Variants in UBE3B observed in about 807,000 individuals in gnomAD.
UBE3B encodes ubiquitin protein ligase E3B, also known as ubiquitin-protein ligase E3B.
Under a neutral mutation model 132.3 loss-of-function variants are expected in UBE3B, and 80 were observed. That is an observed-to-expected ratio of 0.60 (90% CI 0.50 to 0.73). The LOEUF (loss-of-function observed/expected upper bound fraction) is 0.73, where lower values mean the gene tolerates loss of function less well. Ranked by LOEUF, UBE3B falls within the 30% of genes least tolerant of loss-of-function variation. The pLI, the probability that UBE3B is intolerant of heterozygous loss-of-function variation, is 0.00. For missense variants in UBE3B, 1,196 were observed against 1,362.5 expected (o/e 0.88, Z 1.92); for synonymous variants, 487 against 520.4 (o/e 0.94, Z 0.87).
At chr12:109,478,190 AC>A (rs1274871956) in intron 1 of UBE3B, 81 bp downstream of exon 1, 2 of 152,244 alleles carry the variant, frequency 1.3e-5, no homozygotes, top group Non-Finnish European at 2.9e-5. Flanking sequence ...GGGTGTGAAT[AC>A]GTTTTAGTAC....
intron 16 of UBE3B, 46 bp downstream of exon 16, chr12:109,509,760 G>A (rs767855232): frequency 7.6e-6 from 10 of 1,312,418 alleles, no homozygotes; most frequent in Non-Finnish European, 8.6e-6. Flanking sequence ...GCTGCACCCA[G>A]GGAGGCCGAA....
At chr12:109,524,193 C>T (rs1882038196) in intron 22 of UBE3B, 78 bp downstream of exon 22, 4 of 1,579,854 alleles carry the variant, frequency 2.5e-6, no homozygotes, top group Admixed American at 3.4e-5. Flanking sequence ...AAGGAGATGG[C>T]CTGTCCTCTC....
intron 16 of UBE3B, among the ~76,000 whole-genome samples, chr12:109,510,084 G>A (rs1880166674): frequency 6.6e-6 from 1 of 152,176 alleles, no homozygotes; most frequent in Non-Finnish European, 1.5e-5. Context: ...AATTGCTCAG[G>A]ACAAAGCTCC....
rs763539973 is a variant in UBE3B at position 109,497,822 on chromosome 12, G to A, written c.718G>A (p.Val240Met). ...AGTGGATCTATCTGTGTCTAGCCCT[G>A]TGATTGCTGCACAGTTCTCAGACAA... ...TAAFSLALRPVIAAQFSDNLI... is the reference protein window; with the variant it reads ...TAAFSLALRPMIAAQFSDNLI... Residue 240 changes from valine (V) to methionine (M), a missense_variant, in exon 10 of 28, where the codon GTG becomes ATG. By Grantham distance (21) the Val-to-Met change is conservative. Transcript: ENST00000342494. The A allele has an allele frequency of 6.2e-6, 10 of 1,614,016 alleles. No individual in the cohort carries two copies. The African/African-American group carries it at 1.2e-4, about 19-fold the overall frequency.
chr12:109,526,883 A>AAAAT, intron 24 of UBE3B, among the ~76,000 whole-genome samples: 1 of 151,024 alleles, frequency 6.6e-6, no homozygotes, highest in Non-Finnish European at 1.5e-5. Context: ...AAAAAAAAAA[A>AAAAT]AATTGATTTG....
the UBE3B span, among the ~76,000 whole-genome samples, chr12:109,543,902 G>A: frequency 1.3e-5 from 2 of 152,118 alleles, no homozygotes; most frequent in Admixed American, 1.3e-4. Context: ...AAGGAGGGTT[G>A]GAGCGGGCCT....
intron 15 of UBE3B, chr12:109,508,490 T>C: frequency 1.0e-6 from 1 of 983,800 alleles, no homozygotes; most frequent in Non-Finnish European, 1.2e-6. Flanking sequence ...TTATGCATCT[T>C]GTGTGTTTGG....
intron 23 of UBE3B, among the ~76,000 whole-genome samples, chr12:109,525,868 C>T (rs1566111418): frequency 6.6e-6 from 1 of 152,182 alleles, no homozygotes; most frequent in Non-Finnish European, 1.5e-5. Flanking sequence ...TGCCAGTGCC[C>T]ACAGGGTGCC....
rs1458965787 is a variant in UBE3B at position 109,489,808 on chromosome 12, G to A, written c.545-111G>A. The A allele has an allele frequency of 6.1e-6, 6 of 981,994 alleles. No individual in the cohort carries two copies. In the South Asian group the frequency reaches 6.9e-5, roughly 11 times the overall value. The allele number at this position is 981,994 out of a possible 1,614,324, so 60.8% of individuals were successfully genotyped here. A position where few individuals can be genotyped will look rare whatever the true frequency, so the allele number is the denominator to read the frequency against. On this transcript the variant is annotated intron_variant, in intron 7 of 27. Transcript: ENST00000342494. ...CTAAGGGAAAAGGGAGGCAAGCCAG[G>A]GGGTATCTCATTTCTTAGGGCCTCG...
chr12:109,505,294 A>G (rs1879522657), intron 14 of UBE3B, among the ~76,000 whole-genome samples: 2 of 152,168 alleles, frequency 1.3e-5, no homozygotes, highest in Non-Finnish European at 2.9e-5. Flanking sequence ...ATCTGATAGC[A>G]CTGGCACTGC....
In UBE3B at chr12:109,536,222, G is replaced by A. The variant is rs1883423397; in HGVS notation, c.*1440G>A. On this transcript the variant is annotated 3_prime_UTR_variant, in exon 28 of 28. Transcript: ENST00000342494. ...AAACATGGCAAGGAATTTAAAGACA[G>A]GAATGTATTAATATTATTGAAGGTG... The A allele has an allele frequency of 6.6e-6, 1 of 152,260 alleles. No individual in the cohort carries two copies. The highest frequency in any genetic ancestry group is 1.5e-5 in the Non-Finnish European group (1 of 68,046). 9.4% of individuals were successfully genotyped at this position (152,260 alleles called of 1,614,324 possible). A position where few individuals can be genotyped will look rare whatever the true frequency, so the allele number is the denominator to read the frequency against.
chr12:109,484,104 C>T (rs2135766586), intron 4 of UBE3B, 123 bp downstream of exon 4: 1 of 1,090,938 alleles, frequency 9.2e-7, no homozygotes, highest in Non-Finnish European at 1.3e-6. Flanking sequence ...ACATCCTGTC[C>T]CTTTTGTTTT....
chr12:109,533,701 C>T, intron 27 of UBE3B, 143 bp downstream of exon 27: 1 of 897,106 alleles, frequency 1.1e-6, no homozygotes, highest in Non-Finnish European at 1.8e-6. Context: ...AGGAGGGCCC[C>T]ACAGTTCTCA....
intron 9 of UBE3B, among the ~76,000 whole-genome samples, chr12:109,493,614 G>T (rs940506757): frequency 6.6e-6 from 1 of 152,236 alleles, no homozygotes; most frequent in East Asian, 1.9e-4. Flanking sequence ...CTGAATGTTT[G>T]TATATAATTG....
In UBE3B at chr12:109,483,595, G is replaced by C; in HGVS notation, c.44G>C (p.Arg15Thr). 2 of 1,610,248 alleles carry C rather than the reference G, an allele frequency of 1.2e-6. No homozygotes were observed. Among genetic ancestry groups the C allele is most frequent in the Non-Finnish European group, 1.7e-6 (2 of 1,178,862 alleles). ...ACCTCGAGAGCATGGTTCATCGATA[G>C]AGCCCGTCAGGCACGAGAAGAAAGG... ...SQTSRAWFID[R>T]ARQAREERLV... The change falls in exon 3 of 28, where the codon AGA becomes ACA. Residue 15 changes from arginine (R) to threonine (T), a missense_variant. Physicochemically the swap from Arg to Thr is moderately conservative, Grantham distance 71. Transcript: ENST00000342494.
rs181842656 is a variant in UBE3B at position 109,488,972 on chromosome 12, G to T, written c.544+304G>T. On this transcript the variant is annotated intron_variant, in intron 7 of 27. Coordinates refer to ENST00000342494, the MANE Select transcript of UBE3B (RefSeq NM_130466.4). ...AAGTGATTACATTCACTTAAGCCTT[G>T]TCATTTTACTTGGAAAATCATTAGG... 2.6e-5 allele frequency among the ~76,000 whole-genome samples: 4 copies of T among 152,276 alleles called. No individual in the cohort carries two copies. In the East Asian group the frequency reaches 7.7e-4, roughly 29 times the overall value.
chr12:109,547,511 C>T, the UBE3B span, among the ~76,000 whole-genome samples: 30 of 152,390 alleles, frequency 2.0e-4, no homozygotes, highest in East Asian at 3.9e-4. The surrounding 1 kb of genome is among the most constrained non-coding windows in gnomAD (Gnocchi z 4.1). Flanking sequence ...GCACCCAAGC[C>T]GATGCCCGCT....
Position 109,529,988 on chromosome 12 carries a change from C to G in UBE3B, c.2726C>G (p.Pro909Arg). ...LISGFRSIIK[P>R]EWIRMFSTPE... Reference sequence around the variant, plus strand: ...AGCGGATTCCGTTCCATTATCAAACCCGAGTGGATCCGAATGTTCTCAACT... The same window carrying G: ...AGCGGATTCCGTTCCATTATCAAACGCGAGTGGATCCGAATGTTCTCAACT... The change falls in exon 25 of 28, where the codon CCC becomes CGC. Residue 909 changes from proline (P) to arginine (R), a missense_variant. Pro to Arg is a moderately radical substitution (Grantham distance 103). Coordinates refer to ENST00000342494, the MANE Select transcript of UBE3B (RefSeq NM_130466.4). 2 of 1,614,148 alleles carry G rather than the reference C, an allele frequency of 1.2e-6. No homozygotes were observed. The highest frequency in any genetic ancestry group is 1.7e-6 in the Non-Finnish European group (2 of 1,180,032).
At chr12:109,525,694 G>A (rs981598338) in intron 23 of UBE3B, among the ~76,000 whole-genome samples, 6 of 152,076 alleles carry the variant, frequency 3.9e-5, no homozygotes, top group Non-Finnish European at 7.3e-5. Context: ...CAGATGTTGA[G>A]GCTTTATCCT....
Sources: gnomAD v4.1 joint callset for allele counts (sites outside exome capture counted in the v4.1 genomes callset) on GRCh38, gnomAD v4.1.1 for gene constraint, Gnocchi (gnomAD v3.1) non-coding constraint, MANE v1.5 for transcripts, NCBI Gene and HGNC (gene_info 2026-07-23, HGNC 2026-07-21) for gene names.